CWH43: variants seen among roughly 807,000 people sequenced by gnomAD.
CWH43 encodes PGAP2-interacting protein.
A neutral mutation model predicts 85.7 loss-of-function variants in CWH43; 91 were observed. That is an observed-to-expected ratio of 1.06 (90% CI 0.90 to 1.26). The LOEUF is 1.26. Among genes scored for constraint, CWH43 ranks in the 50% most tolerant of loss-of-function variants. CWH43 has a pLI of 0.00. For missense variants in CWH43, 869 were observed against 839.2 expected, an observed-to-expected ratio of 1.04 and a Z score of -0.44; for synonymous variants, 323 against 293.6, an observed-to-expected ratio of 1.10 and a Z score of -1.02.
chr4:49,057,627 C>T (rs755681881), intron 15 of CWH43, among the ~76,000 whole-genome samples: 2 of 152,036 alleles, frequency 1.3e-5, no homozygotes, highest in African/African-American at 2.4e-5. Context: ...TATGTTAGGT[C>T]GATTTGGTCT....
At chr4:49,002,963 T>C in intron 6 of CWH43, among the ~76,000 whole-genome samples, 1 of 152,160 alleles carries the variant, frequency 6.6e-6, no homozygotes, top group East Asian at 1.9e-4. Flanking sequence ...GATTGGAATG[T>C]TTCAAAAATG....
At chr4:48,998,668 G>A (rs1782894664) in intron 6 of CWH43, 120 bp downstream of exon 6, 4 of 747,336 alleles carry the variant, frequency 5.4e-6, no homozygotes, top group Admixed American at 1.9e-5. Context: ...GTGGCCAAAT[G>A]GGCTGTTGTA....
intron 1 of CWH43, chr4:48,986,891 A>G: frequency 1.5e-5 from 13 of 843,938 alleles, no homozygotes; most frequent in Non-Finnish European, 1.9e-5. Flanking sequence ...TTTCCCCAGG[A>G]GCTGTAGGTG....
chr4:49,017,999 C>G (rs1783615450), intron 9 of CWH43, among the ~76,000 whole-genome samples: 1 of 151,848 alleles, frequency 6.6e-6, no homozygotes, highest in African/African-American at 2.4e-5. Context: ...CCATGCCCGG[C>G]TAATTTTTTT....
intron 13 of CWH43, among the ~76,000 whole-genome samples, chr4:49,042,879 A>T (rs1784508222): frequency 6.6e-6 from 1 of 152,226 alleles, no homozygotes. Context: ...GGCTTAAAAC[A>T]GTAATAATTG....
At chr4:49,014,539 T>C (rs1336863807) in intron 8 of CWH43, among the ~76,000 whole-genome samples, 1 of 152,080 alleles carries the variant, frequency 6.6e-6, no homozygotes, top group African/African-American at 2.4e-5. Context: ...TGTTTTCTTA[T>C]GTTTTGGTAT....
intron 12 of CWH43, among the ~76,000 whole-genome samples, chr4:49,033,270 C>A (rs1373347421): frequency 1.3e-5 from 2 of 152,170 alleles, no homozygotes; most frequent in Non-Finnish European, 2.9e-5. Context: ...TTTTCACAAA[C>A]AACAGATAGG....
chr4:49,007,402 A>G, intron 8 of CWH43, 76 bp downstream of exon 8: 1 of 1,386,976 alleles, frequency 7.2e-7, no homozygotes, highest in South Asian at 1.8e-5. Flanking sequence ...GAGTATAATG[A>G]TCCCTCATGT....
intron 10 of CWH43, 80 bp from the exon 11 acceptor site, chr4:49,030,745 G>C (rs951017540): frequency 7.4e-6 from 10 of 1,350,212 alleles, no homozygotes; most frequent in Non-Finnish European, 9.8e-6. Context: ...AAAGGTTAAG[G>C]GTCAAGAGTA....
chr4:48,994,679 C>T lies in CWH43; in HGVS notation c.572C>T (p.Ser191Phe). The stretch of plus-strand genomic sequence containing the variant: ...GGTGAGGTAGCCACGGGGATGGCCT[C>T]TAGACCCAACTGGCTGCTGGCAGGG... ...KTGEVATGMA[S>F]RPNWLLAGAA... The change falls in exon 5 of 16, where the codon TCT becomes TTT. Residue 191 changes from serine to phenylalanine, a missense_variant. By Grantham distance (155) the Ser-to-Phe change is radical (BLOSUM62 -2). Transcript: ENST00000226432. The T allele has an allele frequency of 1.2e-6, 2 of 1,614,232 alleles. No individual in the cohort carries two copies. Among genetic ancestry groups the T allele is most frequent in the Non-Finnish European group, 1.7e-6 (2 of 1,180,046 alleles).
At chr4:49,020,412 C>CATAT (rs1421769377) in intron 9 of CWH43, among the ~76,000 whole-genome samples, 3 of 115,330 alleles carry the variant, frequency 2.6e-5, no homozygotes, top group African/African-American at 8.2e-5. Flanking sequence ...CACACACACA[C>CATAT]ACACATATAT....
At chr4:49,025,654 GC>G (rs1365957023) in intron 9 of CWH43, among the ~76,000 whole-genome samples, 1 of 152,176 alleles carries the variant, frequency 6.6e-6, no homozygotes, top group Non-Finnish European at 1.5e-5. Flanking sequence ...GAGCTACTGG[GC>G]TCTGGGCTGG....
At chr4:49,032,949 A>G (rs1784147411) in intron 12 of CWH43, among the ~76,000 whole-genome samples, 2 of 152,124 alleles carry the variant, frequency 1.3e-5, no homozygotes, top group African/African-American at 2.4e-5. Flanking sequence ...TGTACAGTCA[A>G]TTCCCTGTGC....
chr4:49,059,700 C>A (rs1285597498), intron 15 of CWH43, among the ~76,000 whole-genome samples: 1 of 152,122 alleles, frequency 6.6e-6, no homozygotes, highest in Non-Finnish European at 1.5e-5. Flanking sequence ...TGCTTGGTGC[C>A]TGGATCAGCA....
intron 9 of CWH43, among the ~76,000 whole-genome samples, chr4:49,021,966 G>A (rs1230888342): frequency 2.6e-5 from 4 of 152,010 alleles, no homozygotes; most frequent in Non-Finnish European, 4.4e-5. Flanking sequence ...AGTCTTTGGG[G>A]TTTTCCAGGT....
intron 3 of CWH43, 59 bp from the exon 4 acceptor site, chr4:48,991,877 A>G (rs1782670560): frequency 1.4e-6 from 2 of 1,385,990 alleles, no homozygotes; most frequent in Non-Finnish European, 2.0e-6. Flanking sequence ...GAAATTCATG[A>G]TGGACATAGT....
intron 13 of CWH43, among the ~76,000 whole-genome samples, chr4:49,044,024 T>C (rs1784547738): frequency 6.6e-6 from 1 of 152,154 alleles, no homozygotes; most frequent in African/African-American, 2.4e-5. Flanking sequence ...TTTAATTAAA[T>C]GTTAATAGTA....
intron 9 of CWH43, among the ~76,000 whole-genome samples, chr4:49,023,408 CTT>C (rs973018831): frequency 3.3e-5 from 5 of 152,074 alleles, no homozygotes; most frequent in African/African-American, 9.7e-5. Context: ...GAGTTTCTCT[CTT>C]GTCACCCAGG....
intron 13 of CWH43, among the ~76,000 whole-genome samples, chr4:49,042,426 G>A (rs563927729): frequency 1.3e-5 from 2 of 152,292 alleles, no homozygotes; most frequent in Admixed American, 1.3e-4. Context: ...GAATACAAAA[G>A]AAAGAAATGT....
Sources: gnomAD v4.1 joint callset for allele counts (sites outside exome capture counted in the v4.1 genomes callset) on GRCh38, gnomAD v4.1.1 for gene constraint, MANE v1.5 for transcripts, NCBI Gene and HGNC (gene_info 2026-07-23, HGNC 2026-07-21) for gene names.